The following DMTN variants were observed in gnomAD, a reference collection of about 807,000 sequenced individuals.
The protein encoded by DMTN is dematin actin binding protein.
Under a neutral mutation model 59.4 loss-of-function variants are expected in DMTN, and 27 were observed. The ratio of observed to expected loss-of-function variants is 0.45; its 90% CI spans 0.33 to 0.63. The LOEUF (loss-of-function observed/expected upper bound fraction) is 0.63, where lower values mean the gene tolerates loss of function less well. Ranked by LOEUF, DMTN falls within the 20% of genes least tolerant of loss-of-function variation. DMTN has a pLI of 0.02. For synonymous variants in DMTN, 221 were observed against 203.7 expected (o/e 1.08, Z -0.72); for missense variants, 451 against 528.9 (o/e 0.85, Z 1.45).
rs1391121967 is a variant in DMTN, at chr8:22,082,085, G to A, written c.*622G>A. 4.4e-6 allele frequency: 2 copies of A among 456,690 alleles called. No individual in the cohort carries two copies. Among genetic ancestry groups the A allele is most frequent in the South Asian group, 3.1e-5 (2 of 64,566 alleles). The allele number at this position is 456,690 out of a possible 1,614,324, so 28.3% of individuals were successfully genotyped here. A position where few individuals can be genotyped will look rare whatever the true frequency, so the allele number is the denominator to read the frequency against. ...TCCCCAGAAGCCTGGGCTTAGGGTG[G>A]AGATGCCGCCTACACACGATCCTGG... On this transcript the variant is annotated 3_prime_UTR_variant, in exon 16 of 16. Coordinates refer to ENST00000358242, the MANE Select transcript of DMTN (RefSeq NM_001387751.1).
intron 15 of DMTN, 34 bp from the exon 16 acceptor site, chr8:22,081,316 C>T (rs774703545): frequency 6.2e-7 from 1 of 1,606,696 alleles, no homozygotes; most frequent in South Asian, 1.1e-5. Flanking sequence ...CCCCCTCCCC[C>T]TCCATGCTGA....
upstream of DMTN, chr8:22,049,030 C>G (rs1801047972): frequency 6.7e-6 from 1 of 148,612 alleles, no homozygotes; most frequent in Admixed American, 6.7e-5. Context: ...GCGGCGCGGC[C>G]CGTGCTACCT....
chr8:22,061,914 C>T (rs1358157042), intron 1 of DMTN, among the ~76,000 whole-genome samples: 2 of 151,358 alleles, frequency 1.3e-5, no homozygotes, highest in Non-Finnish European at 2.9e-5. Flanking sequence ...CCACCATGCC[C>T]GGATAATTCT....
chr8:22,078,794 G>A (rs572048059), intron 10 of DMTN, among the ~76,000 whole-genome samples: 4 of 30,090 alleles, frequency 1.3e-4, no homozygotes, highest in African/African-American at 2.1e-4. Context: ...TATAATGTCA[G>A]ACTGTTTTTT....
intron 14 of DMTN, 21 bp from the exon 15 acceptor site, chr8:22,081,092 T>TGGGGGTGG: frequency 2.6e-6 from 4 of 1,547,308 alleles, no homozygotes; most frequent in Non-Finnish European, 3.6e-6. Context: ...AGCCTAAGAT[T>TGGGGGTGG]GCCCCTCCCC....
intron 1 of DMTN, among the ~76,000 whole-genome samples, chr8:22,064,967 A>C (rs751117992): frequency 2.6e-5 from 4 of 152,174 alleles, no homozygotes; most frequent in Non-Finnish European, 5.9e-5. Context: ...AAATGGGTCT[A>C]CCTTATAGGG....
upstream of DMTN, among the ~76,000 whole-genome samples, chr8:22,054,111 CACACACACACACAG>C (rs1409962402): frequency 6.6e-6 from 1 of 151,748 alleles, no homozygotes; most frequent in African/African-American, 2.4e-5. Context: ...AATACACACA[CACACACACACACAG>C]ACACACACAC....
At chr8:22,074,742 G>A (rs1162867095) in intron 10 of DMTN, among the ~76,000 whole-genome samples, 4 of 152,208 alleles carry the variant, frequency 2.6e-5, no homozygotes, top group Admixed American at 6.5e-5. Flanking sequence ...CTGTGGGGCA[G>A]TGGGCAGTGA....
Position 22,069,789 on chromosome 8 carries a change from C to T in DMTN, c.395-92C>T, listed in dbSNP as rs1813803739. The T allele has an allele frequency of 4.8e-6, 7 of 1,456,812 alleles. 2 individuals are homozygous for T. In the South Asian group the frequency reaches 6.9e-5, roughly 14 times the overall value. 90.2% of individuals were successfully genotyped at this position (1,456,812 alleles called of 1,614,324 possible). ...CTCTTGACAGGGGCCAGTGAGTTCC[C>T]CACCTTGTCCCGTTCCATCATCTCC... On this transcript the variant is annotated intron_variant, in intron 6 of 15. Coordinates refer to ENST00000358242, the MANE Select transcript of DMTN (RefSeq NM_001387751.1).
upstream of DMTN, among the ~76,000 whole-genome samples, chr8:22,056,020 T>A (rs1802419853): frequency 6.6e-6 from 1 of 152,142 alleles, no homozygotes; most frequent in Non-Finnish European, 1.5e-5. Context: ...AGGGCAAGGC[T>A]TGTTGTCCTT....
chr8:22,070,064 C>A, intron 7 of DMTN, 118 bp from the exon 8 acceptor site: 1 of 1,556,138 alleles, frequency 6.4e-7, no homozygotes, highest in Non-Finnish European at 8.8e-7. Context: ...GTGCCCCGTG[C>A]TCAGCGTGTA....
chr8:22,060,400 CTCTT>C lies in DMTN; in HGVS notation c.-172+3268_-172+3271del, dbSNP rs1405594376. Among the ~76,000 whole-genome samples the C allele has an allele frequency of 4.1e-5, 6 of 147,452 alleles. No homozygotes were observed. The highest frequency in any genetic ancestry group is 1.3e-4 in the African/African-American group (5 of 39,240). On this transcript the variant is annotated intron_variant, in intron 1 of 15. Coordinates refer to ENST00000358242, the MANE Select transcript of DMTN (RefSeq NM_001387751.1). The surrounding 1 kb of genome is among the most constrained non-coding windows in gnomAD (Gnocchi z 5.0). ...CCAAGGAAACTCTCTCTCTCTTTCTCTCTTTCTGTCTCGCTCTCTCTCTCTCTCT... is the reference window on the plus strand; with the variant it reads ...CCAAGGAAACTCTCTCTCTCTTTCTCTCTGTCTCGCTCTCTCTCTCTCTCT...
At position 22,079,303 on chromosome 8, in the gene DMTN, A is replaced by ATATATATATATATATATATATATATAG. The variant is rs67715172; in HGVS notation, c.836-877_836-876insTATATATATATATATATATATATATAG. On this transcript the variant is annotated intron_variant, in intron 10 of 15. Coordinates refer to ENST00000358242, the MANE Select transcript of DMTN (RefSeq NM_001387751.1). ...ATATATATATATATATATATATATT[A>ATATATATATATATATATATATATATAG]GCTGGGTTTGATGGCGCATGCCCCT... 4.0e-4 allele frequency among the ~76,000 whole-genome samples: 21 copies of ATATATATATATATATATATATATATAG among 52,198 alleles called. 4 individuals are homozygous for ATATATATATATATATATATATATATAG. The highest frequency in any genetic ancestry group is 6.7e-4 in the Non-Finnish European group (17 of 25,324). 34.2% of individuals were successfully genotyped at this position (52,198 alleles called of 152,430 possible).
In DMTN at chr8:22,082,231, A is replaced by G. The variant is rs1405791759; in HGVS notation, c.*768A>G. On this transcript the variant is annotated 3_prime_UTR_variant, in exon 16 of 16. Transcript: ENST00000358242. ...AGAGGCCAGGCCTGGCACATTTTGG[A>G]GTGTCCTGGCTACCAGCTCTCACCT... 8.8e-6 allele frequency: 4 copies of G among 456,608 alleles called. No homozygotes were observed. In the Admixed American group the frequency reaches 9.4e-5, roughly 11 times the overall value. The allele number at this position is 456,608 out of a possible 1,614,324, so 28.3% of individuals were successfully genotyped here.
At chr8:22,074,430 T>C (rs1818191260) in intron 10 of DMTN, among the ~76,000 whole-genome samples, 2 of 152,202 alleles carry the variant, frequency 1.3e-5, no homozygotes, top group Admixed American at 6.5e-5. Context: ...TGCGTCACCA[T>C]GCCTGGCCAA....
intron 10 of DMTN, among the ~76,000 whole-genome samples, chr8:22,079,398 C>T (rs577353927): frequency 3.2e-4 from 48 of 149,084 alleles, no homozygotes; most frequent in Non-Finnish European, 1.8e-4. Flanking sequence ...CTACAGAAAG[C>T]TATAATCACA....
chr8:22,069,744 G>C (rs1300874030), intron 6 of DMTN, 137 bp from the exon 7 acceptor site: 1 of 1,086,346 alleles, frequency 9.2e-7, no homozygotes, highest in Non-Finnish European at 1.4e-6. Flanking sequence ...GCAGTGCCAG[G>C]AATGCCAGCC....
At chr8:22,074,483 C>T (rs1818233288) in intron 10 of DMTN, among the ~76,000 whole-genome samples, 1 of 152,214 alleles carries the variant, frequency 6.6e-6, no homozygotes, top group South Asian at 2.1e-4. Flanking sequence ...CAATGTTGCC[C>T]AGACTGGGCT....
upstream of DMTN, among the ~76,000 whole-genome samples, chr8:22,051,282 T>G (rs1801328845): frequency 6.6e-6 from 1 of 152,086 alleles, no homozygotes. Flanking sequence ...GGCTCACAAA[T>G]TTACCTCCCC....
Sources: allele counts gnomAD v4.1 joint callset (sites outside exome capture counted in the v4.1 genomes callset), GRCh38; gene constraint gnomAD v4.1.1; non-coding constraint Gnocchi (gnomAD v3.1); transcripts MANE v1.5; gene names NCBI Gene and HGNC (gene_info 2026-07-23, HGNC 2026-07-21).